The following NPTXR variants were observed in gnomAD, a reference collection of about 807,000 sequenced individuals.
The protein encoded by NPTXR is neuronal pentraxin receptor.
A neutral mutation model predicts 32.2 loss-of-function variants in NPTXR; 12 were observed. That is an observed-to-expected ratio of 0.37 (90% CI 0.24 to 0.60). NPTXR has a LOEUF of 0.60. Among genes scored for constraint, NPTXR ranks in the 20% least tolerant of loss-of-function variants. The pLI is 0.66. For missense variants in NPTXR, 612 were observed against 682.9 expected, an observed-to-expected ratio of 0.90 and a Z score of 1.16; for synonymous variants, 323 against 315.8, an observed-to-expected ratio of 1.02 and a Z score of -0.24.
intron 1 of NPTXR, among the ~76,000 whole-genome samples, chr22:38,828,795 T>C (rs2093111699): frequency 6.6e-6 from 1 of 152,148 alleles, no homozygotes; most frequent in African/African-American, 2.4e-5. Context: ...TGGCCATGAG[T>C]GCTGTGAAGG....
intron 1 of NPTXR, among the ~76,000 whole-genome samples, chr22:38,837,550 G>T (rs5757305): frequency 0.39 from 59,258 of 152,134 alleles, 11,828 homozygotes; most frequent in East Asian, 0.7. Context: ...CTGTTTATCT[G>T]CAGATTTCCC....
chr22:38,831,160 C>T (rs1004198467), intron 1 of NPTXR, among the ~76,000 whole-genome samples: 1 of 152,208 alleles, frequency 6.6e-6, no homozygotes, highest in Non-Finnish European at 1.5e-5. Context: ...GTGTGTAATC[C>T]CAGCACTTTG....
At chr22:38,828,878 C>T (rs1210858838) in intron 1 of NPTXR, among the ~76,000 whole-genome samples, 1 of 152,242 alleles carries the variant, frequency 6.6e-6, no homozygotes, top group Non-Finnish European at 1.5e-5. Context: ...CAAGGCTAGA[C>T]ACTGATAGGC....
chr22:38,823,542 G>C (rs75538144), intron 3 of NPTXR, among the ~76,000 whole-genome samples: 2,294 of 152,348 alleles, frequency 0.015, 26 homozygotes, highest in African/African-American at 0.029. Context: ...CACTTGGGGA[G>C]AGAGGGATGT....
In NPTXR at chr22:38,826,810, G is replaced by A. The variant is rs1487885381; in HGVS notation, c.851-63C>T. ...GACACCGAAAAGGGTGGGGTGGACA[G>A]GGCACACTTCAGAAAGATGGCTAAC... On this transcript the variant is annotated intron_variant, in intron 2 of 4. Transcript: ENST00000333039. 4 of 1,560,910 alleles carry A rather than the reference G, an allele frequency of 2.6e-6. No homozygotes were observed. In the Admixed American group the frequency reaches 5.3e-5, roughly 21 times the overall value.
In NPTXR at chr22:38,843,401, TCACGGATGGTGTCCTGGTCGG is replaced by T; in HGVS notation, c.437_457del (p.Ala146_Arg152del). ...GCAGCGGCCCAGCTTGCCGGTGAGCTCACGGATGGTGTCCTGGTCGGCGCGGATGCGCGCCTCCTGCTGCAG... is the reference window on the plus strand; with the variant it reads ...GCAGCGGCCCAGCTTGCCGGTGAGCTCGCGGATGCGCGCCTCCTGCTGCAG... On this transcript the variant is annotated inframe_deletion, in exon 1 of 5. Transcript: ENST00000333039. This position sits in a 1 kb window ranked among gnomAD's most constrained non-coding sequence, Gnocchi z 5.3. 9.2e-6 allele frequency: 13 copies of T among 1,416,124 alleles called. No individual in the cohort carries two copies. The highest frequency in any genetic ancestry group is 1.0e-5 in the Non-Finnish European group (11 of 1,094,022). The allele number at this position is 1,416,124 out of a possible 1,614,324, so 87.7% of individuals were successfully genotyped here.
At chr22:38,823,704 G>A (rs1285566870) in intron 3 of NPTXR, among the ~76,000 whole-genome samples, 1 of 152,160 alleles carries the variant, frequency 6.6e-6, no homozygotes, top group Non-Finnish European at 1.5e-5. Flanking sequence ...TGTGTGATCT[G>A]GGGAGGCTGC....
At chr22:38,839,623 C>T (rs557135415) in intron 1 of NPTXR, among the ~76,000 whole-genome samples, 5 of 151,246 alleles carry the variant, frequency 3.3e-5, no homozygotes, top group South Asian at 2.1e-4. Flanking sequence ...CCAGCCTGGG[C>T]GACAGAGCTA....
chr22:38,826,790 C>A, intron 2 of NPTXR, 43 bp from the exon 3 acceptor site: 2 of 1,585,160 alleles, frequency 1.3e-6, no homozygotes, highest in South Asian at 1.2e-5. Context: ...CGGTGGACAC[C>A]GAAAAGGGTG....
At chr22:38,825,885 C>CAGGCT (rs2093105758) in intron 3 of NPTXR, among the ~76,000 whole-genome samples, 1 of 149,132 alleles carries the variant, frequency 6.7e-6, no homozygotes, top group Non-Finnish European at 1.5e-5. Context: ...CTCTGTCGCC[C>CAGGCT]AGGCTGGAGT....
Position 38,843,415 on chromosome 22 carries a change from C to A in NPTXR, c.444G>T (p.Gln148His). ...TGCCGGTGAGCTCACGGATGGTGTC[C>A]TGGTCGGCGCGGATGCGCGCCTCCT... Residue 148 changes from glutamine to histidine, a missense_variant, in exon 1 of 5, where the codon CAG (glutamine) becomes CAT (histidine). Gln to His is a conservative substitution (Grantham distance 24, BLOSUM62 0). Coordinates refer to ENST00000333039, the MANE Select transcript of NPTXR (RefSeq NM_014293.4). This position sits in a 1 kb window ranked among gnomAD's most constrained non-coding sequence, Gnocchi z 5.3. The A allele has an allele frequency of 7.1e-7, 1 of 1,400,466 alleles. No homozygotes were observed. Among genetic ancestry groups the A allele is most frequent in the South Asian group, 1.6e-5 (1 of 63,254 alleles). 86.8% of individuals were successfully genotyped at this position (1,400,466 alleles called of 1,614,324 possible). A position where few individuals can be genotyped will look rare whatever the true frequency, so the allele number is the denominator to read the frequency against.
chr22:38,834,101 G>A lies in NPTXR; in HGVS notation c.625-5589C>T, dbSNP rs1347741514. On this transcript the variant is annotated intron_variant, in intron 1 of 4. Coordinates refer to ENST00000333039, the MANE Select transcript of NPTXR (RefSeq NM_014293.4). The surrounding 1 kb of genome is among the most constrained non-coding windows in gnomAD (Gnocchi z 4.4). ...TGCTTCTTACCCAGAGCTTCATGAA[G>A]TGGTGTCTCTAATGCTTGAATCTAA... 7.1e-6 allele frequency among the ~76,000 whole-genome samples: 1 copy of A among 140,576 alleles called. No homozygotes were observed. Among genetic ancestry groups the A allele is most frequent in the Non-Finnish European group, 1.5e-5 (1 of 65,224 alleles). The allele number at this position is 140,576 out of a possible 152,430, so 92.2% of individuals were successfully genotyped here. A position where few individuals can be genotyped will look rare whatever the true frequency, so the allele number is the denominator to read the frequency against.
rs371614157 is a variant in NPTXR, at chr22:38,843,393, C to G, written c.466G>C (p.Gly156Arg). 1.4e-6 allele frequency: 2 copies of G among 1,415,490 alleles called. No homozygotes were observed. Among genetic ancestry groups the G allele is most frequent in the Admixed American group, 3.3e-5 (1 of 30,602 alleles). 87.7% of individuals were successfully genotyped at this position (1,415,490 alleles called of 1,614,324 possible). ...CCGCTCTCGCAGCGGCCCAGCTTGC[C>G]GGTGAGCTCACGGATGGTGTCCTGG... is the stretch of plus-strand genomic sequence containing the variant. Residue 156 changes from glycine (G) to arginine (R), a missense_variant, in exon 1 of 5, where the codon GGC becomes CGC. Transcript: ENST00000333039. This position sits in a 1 kb window ranked among gnomAD's most constrained non-coding sequence, Gnocchi z 5.3.
chr22:38,825,136 T>G (rs986374438), intron 3 of NPTXR, among the ~76,000 whole-genome samples: 25 of 152,192 alleles, frequency 1.6e-4, no homozygotes, highest in African/African-American at 6.0e-4. Flanking sequence ...ATTACCATGC[T>G]CCTGCCACAT....
intron 1 of NPTXR, among the ~76,000 whole-genome samples, chr22:38,838,877 A>G (rs938906532): frequency 1.1e-4 from 16 of 151,936 alleles, no homozygotes; most frequent in Non-Finnish European, 1.8e-4. Flanking sequence ...CACCGCGCCC[A>G]GCTCACCTGT....
chr22:38,822,733 C>G lies in NPTXR; in HGVS notation c.1379G>C (p.Gly460Ala). The G allele has an allele frequency of 3.1e-6, 5 of 1,614,184 alleles. No homozygotes were observed. Among genetic ancestry groups the G allele is most frequent in the Non-Finnish European group, 4.2e-6 (5 of 1,180,020 alleles). Residue 460 changes from glycine to alanine, a missense_variant, in exon 5 of 5, where the codon GGC becomes GCC. Coordinates refer to ENST00000333039, the MANE Select transcript of NPTXR (RefSeq NM_014293.4). ...CAGTGGCGCAGTGCAGTTGGCAATG[C>G]CCAGGACCTGGGCTGGTGTCAGGGC...
At chr22:38,831,398 C>CA (rs559525260) in intron 1 of NPTXR, among the ~76,000 whole-genome samples, 69 of 151,692 alleles carry the variant, frequency 4.5e-4, no homozygotes, top group Non-Finnish European at 7.7e-4. Context: ...CAGAGCGAGA[C>CA]AAAAAAAAGT....
At position 38,843,550 on chromosome 22, in the gene NPTXR, G is replaced by A; in HGVS notation, c.309C>T (p.Cys103=). The change falls in exon 1 of 5, where the codon TGC becomes TGT. Residue 103 remains cysteine, a synonymous_variant. Coordinates refer to ENST00000333039, the MANE Select transcript of NPTXR (RefSeq NM_014293.4). The surrounding 1 kb of genome is among the most constrained non-coding windows in gnomAD (Gnocchi z 5.3). ...CGTCCCCCTGCTGGGCCCCCGACGG[G>A]CAGGCAGCAGCCAGCGGCGTGCACA... The A allele has an allele frequency of 8.1e-7, 1 of 1,241,724 alleles. No individual in the cohort carries two copies. The highest frequency in any genetic ancestry group is 1.0e-6 in the Non-Finnish European group (1 of 994,120). 76.9% of individuals were successfully genotyped at this position (1,241,724 alleles called of 1,614,324 possible). A position where few individuals can be genotyped will look rare whatever the true frequency, so the allele number is the denominator to read the frequency against.
chr22:38,840,165 A>T (rs111444671), intron 1 of NPTXR, among the ~76,000 whole-genome samples: 5,110 of 152,256 alleles, frequency 0.034, 114 homozygotes, highest in East Asian at 0.077. Context: ...AGGGGTGGTG[A>T]TGCAGGGATG....
Sources: gnomAD v4.1 joint callset for allele counts (sites outside exome capture counted in the v4.1 genomes callset) on GRCh38, gnomAD v4.1.1 for gene constraint, Gnocchi (gnomAD v3.1) non-coding constraint, MANE v1.5 for transcripts, NCBI Gene and HGNC (gene_info 2026-07-23, HGNC 2026-07-21) for gene names.